Variants in FHOD3 observed in about 807,000 individuals in gnomAD.
FHOD3 encodes formin homology 2 domain containing 3.
Under a neutral mutation model 173.0 loss-of-function variants are expected in FHOD3, and 90 were observed. The observed-to-expected ratio is 0.52, with a 90% CI of 0.44 to 0.62. The LOEUF is 0.62. Among genes scored for constraint, FHOD3 ranks in the 20% least tolerant of loss-of-function variants. FHOD3 has a pLI of 0.00. For synonymous variants in FHOD3, 828 were observed against 823.0 expected (o/e 1.01, Z -0.10); for missense variants, 1,945 against 2,034.7 (o/e 0.96, Z 0.85).
chr18:36,345,797 G>A (rs2045851991), intron 1 of FHOD3, among the ~76,000 whole-genome samples: 2 of 152,010 alleles, frequency 1.3e-5, no homozygotes, highest in African/African-American at 4.8e-5. Context: ...AACTTACAGA[G>A]GAAAAGCAAT....
chr18:36,690,940 TA>T (rs1380851069), intron 16 of FHOD3, among the ~76,000 whole-genome samples: 1 of 152,194 alleles, frequency 6.6e-6, no homozygotes, highest in African/African-American at 2.4e-5. Context: ...CATTTTTGTC[TA>T]ACACATAAAC....
intron 9 of FHOD3, among the ~76,000 whole-genome samples, chr18:36,620,427 TC>T (rs767659579): frequency 6.6e-6 from 1 of 152,182 alleles, no homozygotes; most frequent in Non-Finnish European, 1.5e-5. Context: ...AGGGGCTCCT[TC>T]TGTTTGTCCC....
rs192672571 is a variant in FHOD3 at position 36,370,786 on chromosome 18, T to A, written c.273-1894T>A. 2.0e-5 allele frequency among the ~76,000 whole-genome samples: 3 copies of A among 152,374 alleles called. No individual in the cohort carries two copies. The East Asian group carries it at 5.8e-4, about 29-fold the overall frequency. ...TTGAGATTGGAAGACTAGGATTTAC[T>A]GTTTCTAATAGTTAGAGCCTGGCCC... On this transcript the variant is annotated intron_variant, in intron 2 of 28. Transcript: ENST00000590592.
intron 11 of FHOD3, among the ~76,000 whole-genome samples, chr18:36,650,855 G>T (rs2036001148): frequency 6.6e-6 from 1 of 152,186 alleles, no homozygotes; most frequent in East Asian, 1.9e-4. Flanking sequence ...TATTATACAG[G>T]TAGATGATTG....
In FHOD3 at chr18:36,652,610, G is replaced by A; in HGVS notation, c.1327G>A (p.Asp443Asn). Residue 443 changes from aspartate (D) to asparagine (N), a missense_variant, in exon 12 of 29, where the codon GAT becomes AAT. By Grantham distance (23) the Asp-to-Asn change is conservative. Around this residue, in one of 5 missense-constraint regions of FHOD3, gnomAD observed 1,099 missense variants for 1,051.2 expected, o/e 1.05. Transcript: ENST00000590592. ...CTCAGGGCAGAGCCCCACTGGAAGG[G>A]ATGCTGCTCCCAAGAGCTCTGCCCT... ...AASGQSPTGRDAAPKSSALPA... is the reference protein window; with the variant it reads ...AASGQSPTGRNAAPKSSALPA... The A allele has an allele frequency of 2.0e-6, 3 of 1,534,876 alleles. No homozygotes were observed. Among genetic ancestry groups the A allele is most frequent in the South Asian group, 2.4e-5 (2 of 83,986 alleles).
At position 36,686,944 on chromosome 18, in the gene FHOD3, G is replaced by A. The variant is rs147059159; in HGVS notation, c.1971-184G>A. Reference sequence around the variant, plus strand: ...AATCCCTGTGATTGTATTGAAGATCGATTGTATTTAATAATTTTGAAGTAC... The same window carrying A: ...AATCCCTGTGATTGTATTGAAGATCAATTGTATTTAATAATTTTGAAGTAC... On this transcript the variant is annotated intron_variant, in intron 15 of 28. Transcript: ENST00000590592. Among the ~76,000 whole-genome samples, 641 of 152,240 alleles carry A rather than the reference G, an allele frequency of 4.2e-3. 8 individuals are homozygous for A. The highest frequency in any genetic ancestry group is 0.015 in the African/African-American group (604 of 41,538).
intron 1 of FHOD3, among the ~76,000 whole-genome samples, chr18:36,312,543 C>G (rs2092284357): frequency 6.6e-6 from 1 of 152,166 alleles, no homozygotes. Context: ...CAGCGAGGAG[C>G]ATTGCCAGCC....
chr18:36,566,411 A>C (rs1016582892), intron 5 of FHOD3, among the ~76,000 whole-genome samples: 2 of 152,214 alleles, frequency 1.3e-5, no homozygotes, highest in African/African-American at 4.8e-5. Context: ...TGTTTAACTT[A>C]CAGAAAATTG....
At chr18:36,761,998 C>G (rs753399657) in intron 27 of FHOD3, among the ~76,000 whole-genome samples, 11 of 151,992 alleles carry the variant, frequency 7.2e-5, no homozygotes, top group African/African-American at 2.7e-4. Flanking sequence ...GCCCACCAGA[C>G]ATTTTCGTAG....
chr18:36,427,286 TAAAAAAA>T (rs35854743), intron 3 of FHOD3, among the ~76,000 whole-genome samples: 2 of 79,480 alleles, frequency 2.5e-5, no homozygotes, highest in Admixed American at 1.6e-4. Flanking sequence ...CTTGCTTCTC[TAAAAAAA>T]AAAAAAAAAA....
intron 3 of FHOD3, among the ~76,000 whole-genome samples, chr18:36,386,001 T>A (rs1487565722): frequency 6.6e-6 from 1 of 152,228 alleles, no homozygotes; most frequent in East Asian, 1.9e-4. Context: ...ACTTTAAAGT[T>A]GAAACGTTAT....
rs1054043997 is a variant in FHOD3 at position 36,433,120 on chromosome 18, G to C, written c.337+60376G>C. Reference sequence around the variant, plus strand: ...GATAATCTCGCCTTTGATTAATTCAGAGTAAACTGATTTGGAAACTTAATT... The same window carrying C: ...GATAATCTCGCCTTTGATTAATTCACAGTAAACTGATTTGGAAACTTAATT... On this transcript the variant is annotated intron_variant, in intron 3 of 28. Transcript: ENST00000590592. Among the ~76,000 whole-genome samples the C allele has an allele frequency of 2.6e-5, 4 of 152,154 alleles. No individual in the cohort carries two copies. The South Asian group carries it at 6.2e-4, about 24-fold the overall frequency.
intron 10 of FHOD3, among the ~76,000 whole-genome samples, chr18:36,635,962 G>C (rs2034853380): frequency 6.6e-6 from 1 of 152,206 alleles, no homozygotes; most frequent in South Asian, 2.1e-4. Context: ...TCTCAGGCTA[G>C]AGTGGACTTA....
chr18:36,606,132 G>A (rs2032044977), intron 8 of FHOD3, among the ~76,000 whole-genome samples: 1 of 152,208 alleles, frequency 6.6e-6, no homozygotes, highest in African/African-American at 2.4e-5. Context: ...AACTAACCTG[G>A]ATGGTACATG....
chr18:36,509,442 GAAAAA>G (rs60899667), intron 4 of FHOD3, among the ~76,000 whole-genome samples: 1 of 60,494 alleles, frequency 1.7e-5, no homozygotes, highest in Non-Finnish European at 4.7e-5. Flanking sequence ...AAAAAAAAAA[GAAAAA>G]AAAAAGAAAA....
chr18:36,625,811 G>A (rs1266552600), intron 10 of FHOD3, 62 bp downstream of exon 10: 9 of 1,382,236 alleles, frequency 6.5e-6, no homozygotes, highest in Non-Finnish European at 8.8e-6. Flanking sequence ...GAGCCCACAG[G>A]TGCCTGCCAC....
At chr18:36,687,299 G>T (rs577238226) in intron 16 of FHOD3, 121 bp downstream of exon 16, 155 of 722,518 alleles carry the variant, frequency 2.1e-4, no homozygotes, top group Non-Finnish European at 3.2e-4. Flanking sequence ...TACATAGCTG[G>T]CATTTTGCAG....
At chr18:36,299,944 A>G (rs2091915060) in intron 1 of FHOD3, among the ~76,000 whole-genome samples, 1 of 152,200 alleles carries the variant, frequency 6.6e-6, no homozygotes, top group African/African-American at 2.4e-5. Flanking sequence ...AAGTCAGGGC[A>G]TTTATGTGCC....
At chr18:36,386,986 C>A (rs1014835338) in intron 3 of FHOD3, among the ~76,000 whole-genome samples, 14 of 152,164 alleles carry the variant, frequency 9.2e-5, no homozygotes, top group African/African-American at 3.4e-4. Flanking sequence ...ATTAAATATT[C>A]AAAATATAGA....
Sources: gnomAD v4.1 joint callset for allele counts (sites outside exome capture counted in the v4.1 genomes callset) on GRCh38, gnomAD v4.1.1 for gene constraint, gnomAD v4.1.1 regional missense constraint, MANE v1.5 for transcripts, NCBI Gene and HGNC (gene_info 2026-07-23, HGNC 2026-07-21) for gene names.